Variants in TWIST2 observed in about 807,000 individuals in gnomAD.
The protein encoded by TWIST2 is twist-related protein 2.
Under a neutral mutation model 11.6 loss-of-function variants are expected in TWIST2, and 1 was observed. That is an observed-to-expected ratio of 0.09 (90% confidence interval 0.03 to 0.41). The LOEUF is 0.41. TWIST2 is among the 10% of genes least tolerant of loss of function. The pLI, the probability that TWIST2 is intolerant of heterozygous loss-of-function variation, is 0.98. For missense variants in TWIST2, 168 were observed against 226.4 expected, an observed-to-expected ratio of 0.74 and a Z score of 1.66; for synonymous variants, 87 against 96.6, an observed-to-expected ratio of 0.90 and a Z score of 0.58.
At chr2:238,908,347 C>T (rs1472904631) in intron 1 of TWIST2, among the ~76,000 whole-genome samples, 5 of 954 alleles carry the variant, frequency 5.2e-3, no homozygotes, top group Non-Finnish European at 0.011. Context: ...CACACAAACA[C>T]ACCACACCCC....
chr2:238,856,747 C>T (rs1029509639), intron 1 of TWIST2, among the ~76,000 whole-genome samples: 31 of 152,076 alleles, frequency 2.0e-4, no homozygotes, highest in Non-Finnish European at 3.7e-4. Flanking sequence ...TCCTCAGTGT[C>T]CCTCAGAGAC....
intron 1 of TWIST2, among the ~76,000 whole-genome samples, chr2:238,905,916 TGCAGGTGTGCGTGTGCGC>T (rs1693340622): frequency 1.2e-4 from 15 of 122,082 alleles, no homozygotes; most frequent in African/African-American, 4.8e-4. Context: ...TGTGTGTGCG[TGCAGGTGTGCGTGTGCGC>T]GTGTGTGTGC....
intron 1 of TWIST2, among the ~76,000 whole-genome samples, chr2:238,880,112 C>T (rs889099278): frequency 2.0e-5 from 3 of 148,876 alleles, no homozygotes; most frequent in South Asian, 4.2e-4. Flanking sequence ...TTTATTTATA[C>T]TCGTGCTAGC....
chr2:238,881,738 C>T (rs1369552134), intron 1 of TWIST2, among the ~76,000 whole-genome samples: 2 of 152,110 alleles, frequency 1.3e-5, no homozygotes, highest in African/African-American at 4.8e-5. Context: ...CATCTGCAGT[C>T]CTGCACAGCC....
chr2:238,869,712 G>A (rs1692611953), intron 1 of TWIST2, among the ~76,000 whole-genome samples: 2 of 152,220 alleles, frequency 1.3e-5, no homozygotes, highest in Non-Finnish European at 2.9e-5. Flanking sequence ...GGGAGGCTGA[G>A]GCGGGAGGAT....
At chr2:238,870,169 ACACACCC>A (rs1559273529) in intron 1 of TWIST2, among the ~76,000 whole-genome samples, 4 of 32,854 alleles carry the variant, frequency 1.2e-4, no homozygotes, top group African/African-American at 1.4e-4. Flanking sequence ...CACACACACC[ACACACCC>A]CACACACACA....
chr2:238,875,270 T>G (rs1692783308), intron 1 of TWIST2, among the ~76,000 whole-genome samples: 1 of 151,822 alleles, frequency 6.6e-6, no homozygotes, highest in South Asian at 2.1e-4. Flanking sequence ...TAGTGGACAC[T>G]CAGCCCTTTA....
At chr2:238,861,207 G>A (rs534775734) in intron 1 of TWIST2, among the ~76,000 whole-genome samples, 44 of 152,320 alleles carry the variant, frequency 2.9e-4, no homozygotes, top group African/African-American at 9.9e-4. Context: ...GCCCCCATCA[G>A]TCACCGCCGC....
intron 1 of TWIST2, among the ~76,000 whole-genome samples, chr2:238,857,273 T>C (rs1302372407): frequency 6.6e-6 from 1 of 152,188 alleles, no homozygotes; most frequent in Non-Finnish European, 1.5e-5. Flanking sequence ...TCCCTGAGGC[T>C]GGACGGGCCT....
intron 1 of TWIST2, among the ~76,000 whole-genome samples, chr2:238,899,019 T>G (rs1369795653): frequency 6.6e-6 from 1 of 152,252 alleles, no homozygotes; most frequent in East Asian, 1.9e-4. Context: ...GAGGCTGCCA[T>G]CTGTGCCCTG....
intron 1 of TWIST2, among the ~76,000 whole-genome samples, chr2:238,906,520 G>T (rs1473167094): frequency 6.6e-6 from 1 of 151,954 alleles, no homozygotes; most frequent in Non-Finnish European, 1.5e-5. Flanking sequence ...ACACATGCAT[G>T]CACACTGGCA....
chr2:238,854,967 G>A (rs1692304550), intron 1 of TWIST2, among the ~76,000 whole-genome samples: 3 of 152,244 alleles, frequency 2.0e-5, no homozygotes. Flanking sequence ...CTCTTTGAGT[G>A]GTTCGTGTGG....
chr2:238,906,000 CGTGTGCGT>C, intron 1 of TWIST2, among the ~76,000 whole-genome samples: 1 of 102,030 alleles, frequency 9.8e-6, no homozygotes, highest in South Asian at 2.6e-4. Context: ...CGCGTGTGTG[CGTGTGCGT>C]GTGTGGTTTT....
intron 1 of TWIST2, among the ~76,000 whole-genome samples, chr2:238,873,358 G>A (rs1051414401): frequency 4.6e-5 from 7 of 152,152 alleles, no homozygotes; most frequent in Non-Finnish European, 1.0e-4. Flanking sequence ...TGCTGACCAT[G>A]GGTGCTGAGA....
chr2:238,868,013 G>GA lies in TWIST2; in HGVS notation c.*35+19286dup, dbSNP rs1406134585. ...GGAAACGTGGAACGAAAGAAAGATA[G>GA]AAAAAATAAATGCAGTATAATGGAA... On this transcript the variant is annotated intron_variant, in intron 1 of 1. Coordinates refer to ENST00000612363, the MANE Select transcript of TWIST2 (RefSeq NM_001271893.4). Among the ~76,000 whole-genome samples the GA allele has an allele frequency of 3.3e-5, 5 of 152,298 alleles. No homozygotes were observed. In the East Asian group the frequency reaches 5.8e-4, roughly 18 times the overall value.
At chr2:238,898,853 C>A (rs1231995462) in intron 1 of TWIST2, among the ~76,000 whole-genome samples, 1 of 152,260 alleles carries the variant, frequency 6.6e-6, no homozygotes, top group Non-Finnish European at 1.5e-5. Flanking sequence ...TCTGTCTGCC[C>A]AGGTTTGCTC....
intron 1 of TWIST2, among the ~76,000 whole-genome samples, chr2:238,909,476 C>T: frequency 6.6e-6 from 1 of 152,278 alleles, no homozygotes; most frequent in South Asian, 2.1e-4. Context: ...CTCTCTTGTC[C>T]CCAGGCAGCC....
rs1302850115 is a variant in TWIST2 at position 238,863,090 on chromosome 2, T to C, written c.*35+14357T>C. 6.6e-6 allele frequency among the ~76,000 whole-genome samples: 1 copy of C among 151,966 alleles called. No individual in the cohort carries two copies. The highest frequency in any genetic ancestry group is 6.6e-5 in the Admixed American group (1 of 15,252). On this transcript the variant is annotated intron_variant, in intron 1 of 1. Transcript: ENST00000612363. This position sits in a 1 kb window ranked among gnomAD's most constrained non-coding sequence, Gnocchi z 4.7. ...TTCTACAGATGCCCTGTATTACTTC[T>C]GCAATTTGAGAACACAAATCCAGAG...
Position 238,851,930 on chromosome 2 carries a change from C to T in TWIST2, c.*35+3197C>T, listed in dbSNP as rs568056023. On this transcript the variant is annotated intron_variant, in intron 1 of 1. Transcript: ENST00000612363. ...CCTTTCGGCCTTGCATCAGGGAAGT[C>T]TTGCTACTCATCTTGCTGGAGAGGG... Among the ~76,000 whole-genome samples the T allele has an allele frequency of 1.4e-4, 20 of 146,418 alleles. No individual in the cohort carries two copies. The South Asian group carries it at 4.4e-3, about 33-fold the overall frequency.
Sources: gnomAD v4.1 joint callset for allele counts (sites outside exome capture counted in the v4.1 genomes callset) on GRCh38, gnomAD v4.1.1 for gene constraint, Gnocchi (gnomAD v3.1) non-coding constraint, MANE v1.5 for transcripts, NCBI Gene and HGNC (gene_info 2026-07-23, HGNC 2026-07-21) for gene names.